The following EML6 variants were observed in gnomAD, a reference collection of about 807,000 sequenced individuals.
EML6 encodes the protein EMAP like 6.
In EML6, 154 loss-of-function variants were observed where a neutral mutation model predicts 240.1. The observed-to-expected ratio is 0.64, with a 90% confidence interval of 0.56 to 0.73. The LOEUF (loss-of-function observed/expected upper bound fraction) is 0.73. Among genes scored for constraint, EML6 ranks in the 30% least tolerant of loss-of-function variants. The probability of loss-of-function intolerance (pLI) is 0.00; values close to 1 mark genes in which losing one functional copy is unlikely to be tolerated. For missense variants in EML6, 2,964 were observed against 2,474.6 expected, an observed-to-expected ratio of 1.20 and a Z score of -4.20; for synonymous variants, 1,148 against 899.0, an observed-to-expected ratio of 1.28 and a Z score of -4.95.
At chr2:54,914,291 G>A (rs1354831876) in intron 25 of EML6, among the ~76,000 whole-genome samples, 1 of 152,118 alleles carries the variant, frequency 6.6e-6, no homozygotes, top group Non-Finnish European at 1.5e-5. Context: ...TAACCCAAAG[G>A]CATCTATGTG....
chr2:54,811,999 A>T (rs1667871671), intron 2 of EML6, among the ~76,000 whole-genome samples: 1 of 152,230 alleles, frequency 6.6e-6, no homozygotes, highest in African/African-American at 2.4e-5. Flanking sequence ...CAGATGTCCA[A>T]CATGGATTTA....
At chr2:54,782,351 T>C (rs1320318058) in intron 2 of EML6, among the ~76,000 whole-genome samples, 1 of 152,196 alleles carries the variant, frequency 6.6e-6, no homozygotes, top group South Asian at 2.1e-4. Context: ...AATTTTTATA[T>C]TGGGAAGCAT....
intron 2 of EML6, among the ~76,000 whole-genome samples, chr2:54,752,537 T>C (rs1044216791): frequency 6.6e-6 from 1 of 152,206 alleles, no homozygotes; most frequent in Non-Finnish European, 1.5e-5. Flanking sequence ...TTTATAAAAA[T>C]TGAATAATAA....
At chr2:54,859,400 A>T in intron 11 of EML6, 134 bp from the exon 12 acceptor site, 1 of 680,074 alleles carries the variant, frequency 1.5e-6, no homozygotes, top group Non-Finnish European at 2.4e-6. Flanking sequence ...TATTTGTTAC[A>T]ATATGTAAGA....
chr2:54,894,659 C>T (rs1375299725), intron 19 of EML6, among the ~76,000 whole-genome samples: 2 of 152,144 alleles, frequency 1.3e-5, no homozygotes, highest in Non-Finnish European at 2.9e-5. Flanking sequence ...ATCAGTGGGC[C>T]AGCTGCCAAC....
At chr2:54,849,430 A>T (rs972987454) in intron 9 of EML6, among the ~76,000 whole-genome samples, 3 of 152,182 alleles carry the variant, frequency 2.0e-5, no homozygotes, top group African/African-American at 7.2e-5. Flanking sequence ...GCACTTAATT[A>T]AATTTTTTGT....
intron 2 of EML6, among the ~76,000 whole-genome samples, chr2:54,772,478 T>A (rs1344557569): frequency 6.6e-6 from 1 of 152,212 alleles, no homozygotes; most frequent in Non-Finnish European, 1.5e-5. Flanking sequence ...TGGAATTAAT[T>A]CGATTTTTAC....
At chr2:54,751,759 G>C (rs1045558200) in intron 2 of EML6, among the ~76,000 whole-genome samples, 2 of 152,290 alleles carry the variant, frequency 1.3e-5, no homozygotes, top group African/African-American at 4.8e-5. Context: ...TGCAAGGTTT[G>C]TTATGCTGAA....
intron 28 of EML6, among the ~76,000 whole-genome samples, chr2:54,947,689 G>A (rs1024364075): frequency 6.6e-6 from 1 of 152,224 alleles, no homozygotes; most frequent in Admixed American, 6.5e-5. Context: ...ACTCTAAGCA[G>A]AGTCCCCGGG....
chr2:54,820,672 G>T (rs1430810271), intron 5 of EML6, among the ~76,000 whole-genome samples: 1 of 152,184 alleles, frequency 6.6e-6, no homozygotes, highest in Non-Finnish European at 1.5e-5. Context: ...ATCAAGTGAA[G>T]TGCTCCGCAG....
chr2:54,803,151 G>A (rs891314137), intron 2 of EML6, among the ~76,000 whole-genome samples: 4 of 152,094 alleles, frequency 2.6e-5, no homozygotes, highest in Admixed American at 1.3e-4. Flanking sequence ...GGGGAAGGGA[G>A]TTGTTCTTAA....
At chr2:54,809,927 G>C (rs748197319) in intron 2 of EML6, among the ~76,000 whole-genome samples, 1 of 98,790 alleles carries the variant, frequency 1.0e-5, no homozygotes, top group Admixed American at 1.3e-4. Context: ...TGCTGAAAGG[G>C]GTGGAGTTTC....
rs1676380920 is a variant in EML6 at position 54,959,241 on chromosome 2, G to A, written c.4833G>A (p.Val1611=). 2 of 1,541,270 alleles carry A rather than the reference G, an allele frequency of 1.3e-6. No individual in the cohort carries two copies. The highest frequency in any genetic ancestry group is 1.8e-6 in the Non-Finnish European group (2 of 1,142,000). ...MYTTLRDGLI[V]TGGKERPTKE... is the part of the protein sequence containing the mutation. ...CAACCCTTCGGGATGGACTCATAGT[G>A]ACCGGCGGAAAAGAGAGGCCGTAAG... Residue 1611 remains valine (V), a synonymous_variant, in exon 34 of 42, where the codon GTG becomes GTA. Transcript: ENST00000356458.
chr2:54,929,987 A>C lies in EML6; in HGVS notation c.4004+1236A>C, dbSNP rs145054281. ...TTTAAAAGTCCTAATTCTAAGAATTAAGGGGAAAAAAGAACCATATGCACA... is the reference window on the plus strand; with the variant it reads ...TTTAAAAGTCCTAATTCTAAGAATTCAGGGGAAAAAAGAACCATATGCACA... On this transcript the variant is annotated intron_variant, in intron 28 of 41. Coordinates refer to ENST00000356458, the MANE Select transcript of EML6 (RefSeq NM_001039753.4). Among the ~76,000 whole-genome samples the C allele has an allele frequency of 8.9e-4, 135 of 152,348 alleles. 1 individual carries two copies. Among genetic ancestry groups the C allele is most frequent in the African/African-American group, 3.2e-3 (131 of 41,586 alleles).
intron 7 of EML6, among the ~76,000 whole-genome samples, chr2:54,834,799 C>T (rs1248172794): frequency 6.6e-6 from 1 of 152,202 alleles, no homozygotes; most frequent in African/African-American, 2.4e-5. Flanking sequence ...TCCACTGAAC[C>T]TTCTCTGGTC....
intron 17 of EML6, among the ~76,000 whole-genome samples, chr2:54,886,746 G>T (rs1044879412): frequency 2.0e-5 from 3 of 152,132 alleles, no homozygotes; most frequent in Non-Finnish European, 4.4e-5. Context: ...AGAATAGAGT[G>T]ATTTGTCTTT....
chr2:54,827,454 G>A, intron 5 of EML6, 112 bp from the exon 6 acceptor site: 1 of 841,880 alleles, frequency 1.2e-6, no homozygotes, highest in Non-Finnish European at 1.8e-6. Flanking sequence ...ACTTATTTGT[G>A]CCTAGCTTGG....
Position 54,952,538 on chromosome 2 carries a change from G to T in EML6, c.4214-56G>T, listed in dbSNP as rs189056627. The T allele has an allele frequency of 8.2e-5, 90 of 1,091,684 alleles. No homozygotes were observed. The African/African-American group carries it at 1.2e-3, about 15-fold the overall frequency. 67.6% of individuals were successfully genotyped at this position (1,091,684 alleles called of 1,614,324 possible). The stretch of plus-strand genomic sequence containing the variant: ...TGGCTCCACGCGATGTTTTGAAGTT[G>T]CCCTAAAAGGTCTTTAGGTTCCACT... On this transcript the variant is annotated intron_variant, in intron 30 of 41. Coordinates refer to ENST00000356458, the MANE Select transcript of EML6 (RefSeq NM_001039753.4).
intron 19 of EML6, 53 bp from the exon 20 acceptor site, chr2:54,894,862 G>T (rs989301708): frequency 7.9e-7 from 1 of 1,271,138 alleles, no homozygotes; most frequent in Non-Finnish European, 1.1e-6. Context: ...GGGCCAAGTG[G>T]GTAATTGGTC....
Sources: allele counts gnomAD v4.1 joint callset (sites outside exome capture counted in the v4.1 genomes callset), GRCh38; gene constraint gnomAD v4.1.1; transcripts MANE v1.5; gene names NCBI Gene and HGNC (gene_info 2026-07-23, HGNC 2026-07-21).